AK9: variants seen among roughly 807,000 people sequenced by gnomAD.
AK9 encodes the protein adenylate kinase domain containing 1.
Under a neutral mutation model 239.6 loss-of-function variants are expected in AK9, and 191 were observed. The ratio of observed to expected loss-of-function variants is 0.80; its 90% confidence interval spans 0.71 to 0.90. The LOEUF is 0.90. Ranked by LOEUF, AK9 falls within the 40% of genes least tolerant of loss-of-function variation. The pLI, the probability that AK9 is intolerant of heterozygous loss-of-function variation, is 0.00. For synonymous variants in AK9, 689 were observed against 721.0 expected, an observed-to-expected ratio of 0.96 and a Z score of 0.71; for missense variants, 1,995 against 2,214.7, an observed-to-expected ratio of 0.90 and a Z score of 1.99.
At chr6:109,501,666 T>C (rs1027689928) in intron 35 of AK9, among the ~76,000 whole-genome samples, 1 of 152,206 alleles carries the variant, frequency 6.6e-6, no homozygotes, top group Non-Finnish European at 1.5e-5. Context: ...CATAAACTGA[T>C]AAAGTGACAG....
At chr6:109,613,219 C>T (rs970371418) in intron 15 of AK9, among the ~76,000 whole-genome samples, 3 of 151,572 alleles carry the variant, frequency 2.0e-5, no homozygotes, top group African/African-American at 7.3e-5. Context: ...AATACCTTTA[C>T]TTCAAAAACA....
chr6:109,670,489 G>C (rs1312013298), intron 5 of AK9, among the ~76,000 whole-genome samples: 1 of 152,140 alleles, frequency 6.6e-6, no homozygotes, highest in Non-Finnish European at 1.5e-5. Flanking sequence ...TGGTAATGTG[G>C]AAGCATCTTT....
chr6:109,651,795 A>G (rs931830315), intron 8 of AK9, among the ~76,000 whole-genome samples: 4 of 151,996 alleles, frequency 2.6e-5, no homozygotes, highest in African/African-American at 9.7e-5. Flanking sequence ...TAAATACTAG[A>G]AAATTTAGAA....
At chr6:109,644,294 G>T (rs1367562524) in intron 9 of AK9, among the ~76,000 whole-genome samples, 1 of 152,146 alleles carries the variant, frequency 6.6e-6, no homozygotes, top group East Asian at 1.9e-4. Context: ...GGTAAAAGGG[G>T]GTTCCCCATT....
At chr6:109,519,872 G>T (rs1352338158) in intron 29 of AK9, among the ~76,000 whole-genome samples, 3 of 147,982 alleles carry the variant, frequency 2.0e-5, no homozygotes, top group African/African-American at 7.5e-5. Flanking sequence ...CTGAGCATTT[G>T]TTCAGATGTT....
In AK9 at chr6:109,656,882, T is replaced by C. The variant is rs1799766415; in HGVS notation, c.633A>G (p.Ala211=). 1 of 1,612,120 alleles carries C rather than the reference T, an allele frequency of 6.2e-7. No homozygotes were observed. Among genetic ancestry groups the C allele is most frequent in the South Asian group, 1.1e-5 (1 of 90,830 alleles). Residue 211 remains alanine (A), a splice_region_variant and synonymous_variant, in exon 8 of 41, where the codon GCA becomes GCG. Coordinates refer to ENST00000424296, the MANE Select transcript of AK9 (RefSeq NM_001145128.3). ...EEEEEQEEEE[A]FIAEMQMVAE... Reference sequence around the variant, plus strand: ...CCACCATCTGCATTTCGGCAATAAATGCCTAAATGGAAAAGAAGAGATTTC... The same window carrying C: ...CCACCATCTGCATTTCGGCAATAAACGCCTAAATGGAAAAGAAGAGATTTC...
intron 10 of AK9, among the ~76,000 whole-genome samples, chr6:109,639,686 C>T (rs1797156613): frequency 6.6e-6 from 1 of 152,152 alleles, no homozygotes; most frequent in Admixed American, 6.5e-5. Context: ...GCTTTTGTTG[C>T]CATTGCTTTT....
At position 109,554,812 on chromosome 6, in the gene AK9, G is replaced by A. The variant is rs529146690; in HGVS notation, c.2752-4510C>T. Among the ~76,000 whole-genome samples, 8 of 152,240 alleles carry A rather than the reference G, an allele frequency of 5.3e-5. No individual in the cohort carries two copies. The South Asian group carries it at 6.2e-4, about 12-fold the overall frequency. On this transcript the variant is annotated intron_variant, in intron 24 of 40. Coordinates refer to ENST00000424296, the MANE Select transcript of AK9 (RefSeq NM_001145128.3). ...CTTCCAAAGTGCTGGGAGTGCAGGC[G>A]TGAACCACCACACCCAGCCCAGCAA...
At chr6:109,578,261 G>A (rs764924438) in intron 20 of AK9, among the ~76,000 whole-genome samples, 1 of 151,492 alleles carries the variant, frequency 6.6e-6, no homozygotes, top group African/African-American at 2.4e-5. Context: ...TAGAGCTGGG[G>A]TTTCGCCATG....
At position 109,662,637 on chromosome 6, in the gene AK9, G is replaced by A; in HGVS notation, c.358C>T (p.Leu120Phe). Residue 120 changes from leucine to phenylalanine, a missense_variant, in exon 6 of 41, where the codon CTT (leucine) becomes TTT (phenylalanine). This residue lies in a region of AK9 where 252 missense variants were observed against 246.4 expected (regional missense o/e 1.02). Transcript: ENST00000424296. ...AAGGTAGTCATGGCATCCTGTGAAA[G>A]TGATGGTATTTCAGTGATAATATAA... The part of the protein sequence containing the change: ...FGYIITEIPS[L>F]SQDAMTTLQQ... The A allele has an allele frequency of 1.3e-6, 2 of 1,577,476 alleles. No homozygotes were observed. The highest frequency in any genetic ancestry group is 1.7e-6 in the Non-Finnish European group (2 of 1,161,476).
At chr6:109,570,905 A>T (rs1256907912) in intron 21 of AK9, among the ~76,000 whole-genome samples, 1 of 152,170 alleles carries the variant, frequency 6.6e-6, no homozygotes, top group Non-Finnish European at 1.5e-5. Context: ...ATTGAAAAGG[A>T]TCCTTTGAGC....
chr6:109,686,103 G>T (rs1487644673), intron 1 of AK9, among the ~76,000 whole-genome samples: 1 of 152,142 alleles, frequency 6.6e-6, no homozygotes, highest in Non-Finnish European at 1.5e-5. Context: ...TTCACTTAGA[G>T]CAGTGACAGT....
intron 8 of AK9, among the ~76,000 whole-genome samples, chr6:109,655,915 AAGTGTGGTTCTC>A (rs1799638701): frequency 5.3e-5 from 8 of 152,332 alleles, no homozygotes; most frequent in Middle Eastern, 3.4e-3. Flanking sequence ...GAAAGCAATT[AAGTGTGGTTCTC>A]ATTTTGGGGG....
At position 109,644,703 on chromosome 6, in the gene AK9, A is replaced by G. The variant is rs747310042; in HGVS notation, c.760-15T>C. 1.9e-6 allele frequency: 3 copies of G among 1,598,104 alleles called. No individual in the cohort carries two copies. Among genetic ancestry groups the G allele is most frequent in the African/African-American group, 1.3e-5 (1 of 74,272 alleles). Reference sequence around the variant, plus strand: ...GCCATTACTTCCTGCAGATAATAGAAAAGAAACTTTATAATACAGGATCAC... The same window carrying G: ...GCCATTACTTCCTGCAGATAATAGAGAAGAAACTTTATAATACAGGATCAC... On this transcript the variant is annotated splice_polypyrimidine_tract_variant and intron_variant, in intron 8 of 40. Coordinates refer to ENST00000424296, the MANE Select transcript of AK9 (RefSeq NM_001145128.3).
chr6:109,610,346 G>C lies in AK9; in HGVS notation c.1842+19C>G, dbSNP rs1004535834. 2 of 1,549,488 alleles carry C rather than the reference G, an allele frequency of 1.3e-6. No individual in the cohort carries two copies. Among genetic ancestry groups the C allele is most frequent in the African/African-American group, 2.7e-5 (2 of 72,884 alleles). ...AATAGTTAAGTCACTGATAAGAATT[G>C]CCCAGCTAGATTTTTTACCTCTCCA... On this transcript the variant is annotated intron_variant, in intron 17 of 40. Coordinates refer to ENST00000424296, the MANE Select transcript of AK9 (RefSeq NM_001145128.3).
intron 29 of AK9, chr6:109,528,418 T>C (rs1331143625): frequency 7.9e-6 from 3 of 381,820 alleles, no homozygotes; most frequent in Non-Finnish European, 1.6e-5. Flanking sequence ...GCTCAATTAA[T>C]GTTTGCTGAT....
intron 28 of AK9, among the ~76,000 whole-genome samples, chr6:109,532,552 T>C (rs1781415298): frequency 6.6e-6 from 1 of 152,196 alleles, no homozygotes; most frequent in African/African-American, 2.4e-5. Flanking sequence ...ATGGTTTTGA[T>C]TTTTATCCAT....
In AK9 at chr6:109,509,224, T is replaced by A. The variant is rs1778429632; in HGVS notation, c.4436A>T (p.Gln1479Leu). 1 of 1,552,062 alleles carries A rather than the reference T, an allele frequency of 6.4e-7. No individual in the cohort carries two copies. Among genetic ancestry groups the A allele is most frequent in the African/African-American group, 1.4e-5 (1 of 73,046 alleles). The change falls in exon 33 of 41, where the codon CAA becomes CTA. Residue 1479 changes from glutamine to leucine, a missense_variant. Transcript: ENST00000424296. ...TTCCATCAGAGAAAGTTCTAAGGCT[T>A]GAATAGCCAGTTCATCAGGTGCTGT... ...GMTAPDELAI[Q>L]ALELSLMESV... is the part of the protein sequence containing the mutation.
chr6:109,637,529 G>GT (rs1182867912), intron 10 of AK9, among the ~76,000 whole-genome samples: 1 of 152,144 alleles, frequency 6.6e-6, no homozygotes, highest in East Asian at 1.9e-4. Context: ...ATGCAGAAAA[G>GT]TTTTTTTGTA....
Sources: gnomAD v4.1 joint callset for allele counts (sites outside exome capture counted in the v4.1 genomes callset) on GRCh38, gnomAD v4.1.1 for gene constraint, gnomAD v4.1.1 regional missense constraint, MANE v1.5 for transcripts, NCBI Gene and HGNC (gene_info 2026-07-23, HGNC 2026-07-21) for gene names.